TTC34: variants seen among roughly 807,000 people sequenced by gnomAD.
The protein encoded by TTC34 is tetratricopeptide repeat protein 34.
Under a neutral mutation model 40.7 loss-of-function variants are expected in TTC34, and 44 were observed. The observed-to-expected ratio is 1.08, with a 90% confidence interval of 0.85 to 1.39. The LOEUF (loss-of-function observed/expected upper bound fraction) is 1.39, where lower values mean the gene tolerates loss of function less well. Among genes scored for constraint, TTC34 ranks in the 40% most tolerant of loss-of-function variants. The pLI is 0.00. For missense variants in TTC34, 884 were observed against 838.0 expected, an observed-to-expected ratio of 1.05 and a Z score of -0.68; for synonymous variants, 422 against 398.6, an observed-to-expected ratio of 1.06 and a Z score of -0.70.
intron 6 of TTC34, among the ~76,000 whole-genome samples, chr1:2,755,054 C>T (rs1367799506): frequency 2.8e-5 from 2 of 70,378 alleles, no homozygotes; most frequent in Non-Finnish European, 4.9e-5. Context: ...GGAACAGCAC[C>T]CTGCACCCCC....
chr1:2,788,959 T>G (rs1643627041), intron 3 of TTC34, among the ~76,000 whole-genome samples: 1 of 152,102 alleles, frequency 6.6e-6, no homozygotes. Context: ...GGCGTGGTGA[T>G]CCCAGCTACT....
At chr1:2,768,373 C>A (rs1171414118) in intron 6 of TTC34, among the ~76,000 whole-genome samples, 1 of 151,972 alleles carries the variant, frequency 6.6e-6, no homozygotes, top group Non-Finnish European at 1.5e-5. Flanking sequence ...AAAACCATGC[C>A]CACCACAAGG....
At chr1:2,657,407 A>C (rs1365670069) in intron 6 of TTC34, among the ~76,000 whole-genome samples, 1 of 91,256 alleles carries the variant, frequency 1.1e-5, no homozygotes, top group Non-Finnish European at 2.8e-5. Flanking sequence ...GACCTCCCGG[A>C]GCAGTACCAG....
At chr1:2,694,002 C>T (rs562888037) in intron 6 of TTC34, among the ~76,000 whole-genome samples, 1 of 92,904 alleles carries the variant, frequency 1.1e-5, no homozygotes, top group African/African-American at 3.9e-5. Flanking sequence ...AGGTGAGCAT[C>T]TGACCGCCTG....
chr1:2,778,602 C>A (rs753762351), intron 6 of TTC34, among the ~76,000 whole-genome samples: 1 of 152,194 alleles, frequency 6.6e-6, no homozygotes, highest in Non-Finnish European at 1.5e-5. Context: ...TGCATTCACC[C>A]GAGGTTGATG....
At chr1:2,791,038 T>C (rs985145581) in intron 2 of TTC34, among the ~76,000 whole-genome samples, 2 of 152,190 alleles carry the variant, frequency 1.3e-5, no homozygotes, top group Non-Finnish European at 2.9e-5. Context: ...CGGATCTACC[T>C]ACATCCAGTG....
intron 6 of TTC34, among the ~76,000 whole-genome samples, chr1:2,649,174 G>C (rs983211381): frequency 6.0e-5 from 9 of 151,196 alleles, no homozygotes; most frequent in African/African-American, 2.2e-4. Context: ...ACCCACAGAT[G>C]AGTGTGTGAC....
At chr1:2,798,924 A>G (rs1380595290) in intron 2 of TTC34, among the ~76,000 whole-genome samples, 1 of 96,012 alleles carries the variant, frequency 1.0e-5, no homozygotes, top group Non-Finnish European at 2.1e-5. Flanking sequence ...CAAGCCTCGC[A>G]GCCCCCCAGC....
intron 5 of TTC34, among the ~76,000 whole-genome samples, chr1:2,784,980 CGCTCTGGGCT>C (rs1553170472): frequency 1.3e-3 from 36 of 27,176 alleles, no homozygotes; most frequent in African/African-American, 8.6e-3. Flanking sequence ...CACTCTGGGC[CGCTCTGGGCT>C]GCTCTGGGCC....
chr1:2,696,363 G>C lies in TTC34; in HGVS notation c.2227-50800C>G, dbSNP rs531243353. On this transcript the variant is annotated intron_variant, in intron 6 of 8. Coordinates refer to ENST00000401095, the Ensembl canonical transcript of TTC34. The stretch of plus-strand genomic sequence containing the variant: ...GCCTGGAACAGCACCCACACCCCCA[G>C]GCGAGGATCGGACAGCCTGGAGCAG... 2.1e-5 allele frequency among the ~76,000 whole-genome samples: 3 copies of C among 139,660 alleles called. No homozygotes were observed. The East Asian group carries it at 6.5e-4, about 30-fold the overall frequency. The allele number at this position is 139,660 out of a possible 152,430, so 91.6% of individuals were successfully genotyped here.
intron 2 of TTC34, among the ~76,000 whole-genome samples, chr1:2,797,692 C>A (rs1643721710): frequency 1.3e-5 from 2 of 152,094 alleles, no homozygotes; most frequent in Admixed American, 6.5e-5. Context: ...TGGCAGTAGG[C>A]TGGGCTGTGG....
intron 6 of TTC34, among the ~76,000 whole-genome samples, chr1:2,749,082 C>T (rs1641235450): frequency 2.2e-4 from 29 of 130,052 alleles, no homozygotes; most frequent in African/African-American, 6.9e-4. Flanking sequence ...GCACCCACAA[C>T]CCCAGGCGAG....
intron 6 of TTC34, among the ~76,000 whole-genome samples, chr1:2,655,093 C>T (rs77089632): frequency 9.5e-6 from 1 of 105,606 alleles, no homozygotes; most frequent in Admixed American, 9.3e-5. Flanking sequence ...AGCAACCACA[C>T]CCCCAGGTGA....
At chr1:2,786,657 A>G (rs1643593637) in intron 4 of TTC34, among the ~76,000 whole-genome samples, 3 of 152,154 alleles carry the variant, frequency 2.0e-5, no homozygotes, top group African/African-American at 7.2e-5. Context: ...TAGGTCATGA[A>G]GGGTCAACAG....
At position 2,776,364 on chromosome 1, in the gene TTC34, C is replaced by T. The variant is rs564697331; in HGVS notation, c.2226+7245G>A. On this transcript the variant is annotated intron_variant, in intron 6 of 8. Coordinates refer to ENST00000401095, the Ensembl canonical transcript of TTC34. ...TCTGGCAGCCTGGTAAAACAACCCC[C>T]TTCAGGTGAGCATCCGACAGCCTGG... 17 of 142,686 alleles carry T rather than the reference C, an allele frequency of 1.2e-4. 2 individuals are homozygous for T. In the East Asian group the frequency reaches 2.8e-3, roughly 24 times the overall value. The allele number at this position is 142,686 out of a possible 1,614,324, so 8.8% of individuals were successfully genotyped here.
chr1:2,641,128 G>A, exon 9 of TTC34: 1 of 277,882 alleles, frequency 3.6e-6, no homozygotes, highest in Non-Finnish European at 6.1e-6. Context: ...GGGCTGGGAA[G>A]GGGGAGGGCT....
intron 6 of TTC34, among the ~76,000 whole-genome samples, chr1:2,683,593 A>G (rs1456184753): frequency 4.7e-5 from 1 of 21,086 alleles, no homozygotes; most frequent in East Asian, 1.3e-3. Context: ...GCACCCACAC[A>G]CTCAGGCGAG....
At chr1:2,686,321 CT>C (rs1557611239) in intron 6 of TTC34, among the ~76,000 whole-genome samples, 16 of 151,496 alleles carry the variant, frequency 1.1e-4, no homozygotes, top group African/African-American at 3.4e-4. Flanking sequence ...GCACCCACAC[CT>C]CCAGGCGAGC....
intron 6 of TTC34, among the ~76,000 whole-genome samples, chr1:2,682,017 C>A (rs1220566880): frequency 1.6e-4 from 18 of 115,578 alleles, no homozygotes; most frequent in African/African-American, 5.9e-4. Flanking sequence ...CCTGGAACAA[C>A]ACCCATACCC....
Sources: allele counts gnomAD v4.1 joint callset (sites outside exome capture counted in the v4.1 genomes callset), GRCh38; gene constraint gnomAD v4.1.1; transcripts MANE v1.5; gene names NCBI Gene and HGNC (gene_info 2026-07-23, HGNC 2026-07-21).